Variants in AFF3 observed in about 807,000 individuals in gnomAD.
AFF3 encodes ALF transcription elongation factor 3.
AFF3 carries 32 observed loss-of-function variants against 129.7 expected under a neutral mutation model. The observed-to-expected ratio is 0.25, with a 90% CI of 0.19 to 0.33. The LOEUF (loss-of-function observed/expected upper bound fraction) is 0.33, where lower values mean the gene tolerates loss of function less well. Ranked by LOEUF, AFF3 falls within the 10% of genes least tolerant of loss-of-function variation. The pLI is 1.00. For missense variants in AFF3, 1,373 were observed against 1,592.0 expected (o/e 0.86, Z 2.34); for synonymous variants, 644 against 635.4 (o/e 1.01, Z -0.20).
At chr2:99,824,536 G>C (rs58241853) in intron 8 of AFF3, among the ~76,000 whole-genome samples, 25,046 of 152,208 alleles carry the variant, frequency 0.16, 2,197 homozygotes, top group Admixed American at 0.24. Flanking sequence ...AGAATGAACT[G>C]CCCATAGGAT....
chr2:100,113,338 C>G (rs1158551293), intron 2 of AFF3, among the ~76,000 whole-genome samples: 1 of 152,220 alleles, frequency 6.6e-6, no homozygotes, highest in Admixed American at 6.5e-5. Context: ...ACTTACTCAT[C>G]CTTGAATTGA....
intron 7 of AFF3, among the ~76,000 whole-genome samples, chr2:99,916,563 A>G (rs1695490553): frequency 6.6e-6 from 1 of 152,068 alleles, no homozygotes; most frequent in Non-Finnish European, 1.5e-5. Flanking sequence ...AGAGGCCTAA[A>G]AGTATCCATC....
chr2:99,728,387 G>C (rs781603388), intron 10 of AFF3, among the ~76,000 whole-genome samples: 5 of 152,134 alleles, frequency 3.3e-5, no homozygotes, highest in Admixed American at 2.0e-4. Flanking sequence ...AGAATCCCTT[G>C]GTCTACTGCT....
intron 1 of AFF3, among the ~76,000 whole-genome samples, chr2:100,133,509 A>C (rs1692514119): frequency 1.3e-5 from 2 of 151,992 alleles, no homozygotes; most frequent in South Asian, 4.2e-4. Context: ...CACAGGCATG[A>C]TCATAGTGAC....
At chr2:99,744,042 T>A in intron 10 of AFF3, 62 bp downstream of exon 10, 69 of 1,131,082 alleles carry the variant, frequency 6.1e-5, no homozygotes, top group Non-Finnish European at 7.3e-5. Flanking sequence ...CTCCCTCCCC[T>A]TCTGCCCTCT....
At chr2:99,738,251 T>C (rs1333134201) in intron 10 of AFF3, among the ~76,000 whole-genome samples, 2 of 152,134 alleles carry the variant, frequency 1.3e-5, no homozygotes, top group East Asian at 3.9e-4. Flanking sequence ...CTCTCCATTT[T>C]CTTTTTCTGC....
intron 8 of AFF3, among the ~76,000 whole-genome samples, chr2:99,786,184 A>G (rs1575978500): frequency 6.6e-6 from 1 of 152,122 alleles, no homozygotes; most frequent in African/African-American, 2.4e-5. Context: ...TGGGCTTTTT[A>G]TTCTGACTGC....
chr2:99,856,687 C>A (rs1379140859), intron 7 of AFF3, among the ~76,000 whole-genome samples: 2 of 152,100 alleles, frequency 1.3e-5, no homozygotes, highest in East Asian at 3.8e-4. Flanking sequence ...TTACAAAAAA[C>A]CTTCTGGCGC....
In AFF3 at chr2:99,583,094, T is replaced by C. The variant is rs1309323846; in HGVS notation, c.2592-95A>G. On this transcript the variant is annotated intron_variant, in intron 16 of 24. Coordinates refer to ENST00000672756, the MANE Select transcript of AFF3 (RefSeq NM_001386135.1). Reference sequence around the variant, plus strand: ...ACCCAAACCACCCAACTGGGACCTGTTGGTAGGAGAAGCTTATTGGGAATT... The same window carrying C: ...ACCCAAACCACCCAACTGGGACCTGCTGGTAGGAGAAGCTTATTGGGAATT... 4 of 1,099,516 alleles carry C rather than the reference T, an allele frequency of 3.6e-6. No homozygotes were observed. In the African/African-American group the frequency reaches 4.7e-5, roughly 13 times the overall value. The allele number at this position is 1,099,516 out of a possible 1,614,324, so 68.1% of individuals were successfully genotyped here.
chr2:99,999,324 G>T (rs1052083935), intron 7 of AFF3, among the ~76,000 whole-genome samples: 3 of 152,212 alleles, frequency 2.0e-5, no homozygotes, highest in African/African-American at 4.8e-5. Flanking sequence ...GTCTGGCAGG[G>T]ATTACGGAGG....
At chr2:100,034,501 C>T (rs1288982701) in intron 4 of AFF3, among the ~76,000 whole-genome samples, 2 of 151,876 alleles carry the variant, frequency 1.3e-5, no homozygotes, top group Non-Finnish European at 2.9e-5. Flanking sequence ...CTTCTTCCAA[C>T]ACAATGGAAG....
At chr2:99,867,028 AT>A (rs1691472035) in intron 7 of AFF3, among the ~76,000 whole-genome samples, 2 of 149,290 alleles carry the variant, frequency 1.3e-5, no homozygotes, top group African/African-American at 2.4e-5. Flanking sequence ...AAAATAAAAA[AT>A]AAAAAAAACA....
intron 18 of AFF3, among the ~76,000 whole-genome samples, chr2:99,573,564 T>A (rs1475583509): frequency 6.6e-6 from 1 of 152,210 alleles, no homozygotes; most frequent in Non-Finnish European, 1.5e-5. Context: ...TGCTAGGGAT[T>A]CAACCTTTTA....
chr2:99,659,287 T>C (rs1371964053), intron 12 of AFF3, among the ~76,000 whole-genome samples: 1 of 152,218 alleles, frequency 6.6e-6, no homozygotes, highest in Non-Finnish European at 1.5e-5. Flanking sequence ...CTGTGCCTTC[T>C]GGATGTGCAC....
At chr2:100,014,783 C>CTTTT (rs60456923) in intron 4 of AFF3, among the ~76,000 whole-genome samples, 2,035 of 120,362 alleles carry the variant, frequency 0.017, 121 homozygotes, top group African/African-American at 0.064. Flanking sequence ...ACCTTGCTTC[C>CTTTT]TTTTTTTTTT....
At chr2:100,070,707 T>C (rs1432113285) in intron 4 of AFF3, among the ~76,000 whole-genome samples, 4 of 152,192 alleles carry the variant, frequency 2.6e-5, no homozygotes, top group African/African-American at 9.6e-5. Context: ...AAACTGGCCA[T>C]GGCTCCTGAA....
intron 7 of AFF3, among the ~76,000 whole-genome samples, chr2:99,841,649 G>A (rs11123799): frequency 0.012 from 1,861 of 152,268 alleles, 42 homozygotes; most frequent in African/African-American, 0.043. Context: ...CCACAGTATC[G>A]TAGAAAATCT....
At position 100,141,894 on chromosome 2, in the gene AFF3, A is replaced by G. The variant is rs113087584; in HGVS notation, c.-228+590T>C. Among the ~76,000 whole-genome samples, 302 of 152,210 alleles carry G rather than the reference A, an allele frequency of 2.0e-3. 1 individual carries two copies. The highest frequency in any genetic ancestry group is 4.2e-3 in the South Asian group (20 of 4,808). ...CACACACACACAAATACACACATAT[A>G]CAATGTTCCATCCAAGAAATACAAA... On this transcript the variant is annotated intron_variant, in intron 1 of 24. Coordinates refer to ENST00000672756, the MANE Select transcript of AFF3 (RefSeq NM_001386135.1).
chr2:99,774,617 C>T (rs1031716445), intron 8 of AFF3, among the ~76,000 whole-genome samples: 1 of 151,912 alleles, frequency 6.6e-6, no homozygotes, highest in Non-Finnish European at 1.5e-5. Context: ...GACTTAAATG[C>T]AAAACCCAAA....
Sources: gnomAD v4.1 joint callset for allele counts (sites outside exome capture counted in the v4.1 genomes callset) on GRCh38, gnomAD v4.1.1 for gene constraint, MANE v1.5 for transcripts, NCBI Gene and HGNC (gene_info 2026-07-23, HGNC 2026-07-21) for gene names.